The following FAM210B variants were observed in gnomAD, a reference collection of about 807,000 sequenced individuals.
The protein encoded by FAM210B is mitochondrial inner membrane scaffold 2.
Under a neutral mutation model 14.9 loss-of-function variants are expected in FAM210B, and 11 were observed. The observed-to-expected ratio is 0.74, with a 90% CI of 0.46 to 1.22. The LOEUF is 1.22. Ranked by LOEUF, FAM210B falls within the 50% of genes most tolerant of loss-of-function variation. The probability of loss-of-function intolerance (pLI) is 0.00; values close to 1 mark genes in which losing one functional copy is unlikely to be tolerated. For missense variants in FAM210B, 229 were observed against 250.1 expected (o/e 0.92, Z 0.57); for synonymous variants, 113 against 110.2 (o/e 1.03, Z -0.16).
chr20:56,362,402 C>T lies in FAM210B; in HGVS notation c.187-2685C>T, dbSNP rs1983552454. Among the ~76,000 whole-genome samples, 2 of 152,144 alleles carry T rather than the reference C, an allele frequency of 1.3e-5. No individual in the cohort carries two copies. The highest frequency in any genetic ancestry group is 6.5e-5 in the Admixed American group (1 of 15,274). ...AGTACAGACAGAAGATGTGTCACGC[C>T]GTCCTGTGCATTCAGGACAGTGCCT... On this transcript the variant is annotated intron_variant, in intron 1 of 2. Transcript: ENST00000371384. This position sits in a 1 kb window ranked among gnomAD's most constrained non-coding sequence, Gnocchi z 4.8.
chr20:56,361,202 C>T (rs568398899), intron 1 of FAM210B, among the ~76,000 whole-genome samples: 67 of 152,152 alleles, frequency 4.4e-4, no homozygotes, highest in Non-Finnish European at 6.9e-4. Context: ...CTTTTGTCTC[C>T]GTCAGTTCTG....
chr20:56,360,227 A>G (rs138363771), intron 1 of FAM210B: 8,535 of 470,434 alleles, frequency 0.018, 133 homozygotes, highest in Non-Finnish European at 0.021. Flanking sequence ...CCAGAGTGGC[A>G]CCTTCTGCAC....
chr20:56,361,296 T>C (rs529035702), intron 1 of FAM210B, among the ~76,000 whole-genome samples: 3 of 152,224 alleles, frequency 2.0e-5, no homozygotes, highest in South Asian at 2.1e-4. Flanking sequence ...GCCCCATTGG[T>C]GTTTCTCTAT....
rs768525964 is a variant in FAM210B, at chr20:56,366,057, T to A, written c.363-14T>A. The A allele has an allele frequency of 1.2e-6, 2 of 1,601,392 alleles. No homozygotes were observed. Among genetic ancestry groups the A allele is most frequent in the South Asian group, 2.2e-5 (2 of 90,002 alleles). On this transcript the variant is annotated splice_polypyrimidine_tract_variant and intron_variant, in intron 2 of 2. Coordinates refer to ENST00000371384, the MANE Select transcript of FAM210B (RefSeq NM_080821.3). Reference sequence around the variant, plus strand: ...TTGCTGTAATAATTGTTTTCTTTGCTTCTTCCCCCCTAGTGGTGTGGACAT... The same window carrying A: ...TTGCTGTAATAATTGTTTTCTTTGCATCTTCCCCCCTAGTGGTGTGGACAT...
rs1485273646 is a variant in FAM210B at position 56,366,680 on chromosome 20, T to A, written c.*393T>A. ...TTGATTAATTTAACTGGCTTTTAAA[T>A]ATCCCCTTCCGCTGATATTTGTTGT... On this transcript the variant is annotated 3_prime_UTR_variant, in exon 3 of 3. Coordinates refer to ENST00000371384, the MANE Select transcript of FAM210B (RefSeq NM_080821.3). 1 of 181,224 alleles carries A rather than the reference T, an allele frequency of 5.5e-6. No homozygotes were observed. Among genetic ancestry groups the A allele is most frequent in the Non-Finnish European group, 1.2e-5 (1 of 86,134 alleles). The allele number at this position is 181,224 out of a possible 1,614,324, so 11.2% of individuals were successfully genotyped here.
At chr20:56,365,035 T>G in intron 1 of FAM210B, 52 bp from the exon 2 acceptor site, 3 of 1,555,292 alleles carry the variant, frequency 1.9e-6, no homozygotes, top group Non-Finnish European at 2.6e-6. Flanking sequence ...AAGCCGGTAA[T>G]GACTGCCCGT....
chr20:56,365,176 T>G lies in FAM210B; in HGVS notation c.276T>G (p.Ile92Met). 6.2e-7 allele frequency: 1 copy of G among 1,614,068 alleles called. No individual in the cohort carries two copies. The highest frequency in any genetic ancestry group is 2.2e-5 in the East Asian group (1 of 44,890). The change falls in exon 2 of 3, where the codon ATT becomes ATG. Residue 92 changes from isoleucine to methionine, a missense_variant. This residue lies in a region of FAM210B where 144 missense variants were observed against 132.5 expected (regional missense o/e 1.09). Coordinates refer to ENST00000371384, the MANE Select transcript of FAM210B (RefSeq NM_080821.3). ...KQSKSQQLKK[I>M]FQEYGTVGVS... ...GCAAGTCACAGCAACTGAAAAAGATTTTTCAAGAGTATGGCACTGTTGGCG... is the reference window on the plus strand; with the variant it reads ...GCAAGTCACAGCAACTGAAAAAGATGTTTCAAGAGTATGGCACTGTTGGCG...
chr20:56,360,178 C>A (rs574854811), intron 1 of FAM210B: 1 of 470,574 alleles, frequency 2.1e-6, no homozygotes, highest in South Asian at 1.5e-5. Flanking sequence ...CTTGCCTTCT[C>A]CAGTCCGACA....
chr20:56,365,532 A>G (rs959556591), intron 2 of FAM210B, among the ~76,000 whole-genome samples: 2 of 149,940 alleles, frequency 1.3e-5, no homozygotes, highest in Non-Finnish European at 3.0e-5. Flanking sequence ...TGGGGGACGG[A>G]CTCTCGCTCT....
Position 56,359,316 on chromosome 20 carries a change from G to A in FAM210B, c.186+125G>A. ...TGCACTTGTAGCTGCCCGGGACCGA[G>A]CTCTTCCAGGGTCCCCGAAACCCCA... On this transcript the variant is annotated intron_variant, in intron 1 of 2. Coordinates refer to ENST00000371384, the MANE Select transcript of FAM210B (RefSeq NM_080821.3). This position sits in a 1 kb window ranked among gnomAD's most constrained non-coding sequence, Gnocchi z 4.3. The A allele has an allele frequency of 1.0e-6, 1 of 991,250 alleles. No homozygotes were observed. Among genetic ancestry groups the A allele is most frequent in the Non-Finnish European group, 1.3e-6 (1 of 778,472 alleles). 61.4% of individuals were successfully genotyped at this position (991,250 alleles called of 1,614,324 possible).
At chr20:56,365,303 C>T in intron 2 of FAM210B, 41 bp downstream of exon 2, 1 of 1,582,978 alleles carries the variant, frequency 6.3e-7, no homozygotes, top group Admixed American at 1.8e-5. Flanking sequence ...TTTTTACTGT[C>T]ATGTAAGATT....
At position 56,359,158 on chromosome 20, in the gene FAM210B, C is replaced by G; in HGVS notation, c.153C>G (p.Leu51=). The G allele has an allele frequency of 1.6e-6, 2 of 1,242,768 alleles. No individual in the cohort carries two copies. Among genetic ancestry groups the G allele is most frequent in the East Asian group, 3.2e-5 (1 of 31,434 alleles). 77.0% of individuals were successfully genotyped at this position (1,242,768 alleles called of 1,614,324 possible). The change falls in exon 1 of 3, where the codon CTC becomes CTG. Residue 51 remains leucine, a synonymous_variant. Transcript: ENST00000371384. This position sits in a 1 kb window ranked among gnomAD's most constrained non-coding sequence, Gnocchi z 4.3. The part of the protein sequence containing the change: ...LLPPRLDARL[L]RTARGDCRGH... Reference sequence around the variant, plus strand: ...CGCCCAGGCTAGACGCCCGGCTGCTCCGCACGGCGCGCGGGGACTGCCGCG... The same window carrying G: ...CGCCCAGGCTAGACGCCCGGCTGCTGCGCACGGCGCGCGGGGACTGCCGCG...
chr20:56,365,789 C>T (rs923598954), intron 2 of FAM210B, among the ~76,000 whole-genome samples: 3 of 152,054 alleles, frequency 2.0e-5, no homozygotes, highest in African/African-American at 7.2e-5. Flanking sequence ...AGGTGTGAGC[C>T]CCCGCGTCAG....
chr20:56,359,053 C>T lies in FAM210B; in HGVS notation c.48C>T (p.Ala16=), dbSNP rs2146106176. Residue 16 remains alanine (A), a synonymous_variant, in exon 1 of 3, where the codon GCC becomes GCT. Transcript: ENST00000371384. The surrounding 1 kb of genome is among the most constrained non-coding windows in gnomAD (Gnocchi z 4.3). ...TGGGTCCGGCAGGCAGGGTGGGCGC[C>T]CGGGTCCGGCCTCGCGCCACCTGGC... ...ALLGPAGRVG[A]RVRPRATWLL... is the part of the protein sequence containing the mutation. 1 of 1,351,902 alleles carries T rather than the reference C, an allele frequency of 7.4e-7. No homozygotes were observed. Among genetic ancestry groups the T allele is most frequent in the Non-Finnish European group, 9.6e-7 (1 of 1,046,548 alleles). The allele number at this position is 1,351,902 out of a possible 1,614,324, so 83.7% of individuals were successfully genotyped here.
intron 2 of FAM210B, 110 bp downstream of exon 2, chr20:56,365,372 C>G: frequency 8.6e-7 from 1 of 1,165,752 alleles, no homozygotes; most frequent in East Asian, 2.4e-5. Context: ...TCTCACTCCA[C>G]TGCCCAGGCT....
chr20:56,365,050 G>A (rs767332926), intron 1 of FAM210B, 37 bp from the exon 2 acceptor site: 5 of 1,590,522 alleles, frequency 3.1e-6, no homozygotes, highest in South Asian at 2.3e-5. Context: ...GCCCGTGCCT[G>A]CCCTAAAGCA....
intron 2 of FAM210B, among the ~76,000 whole-genome samples, chr20:56,365,630 C>T (rs1237587107): frequency 2.0e-5 from 3 of 152,166 alleles, no homozygotes; most frequent in Non-Finnish European, 2.9e-5. Context: ...CTCAGCCTCC[C>T]GAGTAGCTGG....
chr20:56,359,798 A>C lies in FAM210B; in HGVS notation c.186+607A>C, dbSNP rs1983494647. On this transcript the variant is annotated intron_variant, in intron 1 of 2. Transcript: ENST00000371384. This position sits in a 1 kb window ranked among gnomAD's most constrained non-coding sequence, Gnocchi z 4.3. ...TCTTTTTAAATAAAAATAGTAGTAA[A>C]TGAAGTCTGGCGGTCCAGGAATGGC... 1.3e-5 allele frequency among the ~76,000 whole-genome samples: 2 copies of C among 152,212 alleles called. No individual in the cohort carries two copies. The highest frequency in any genetic ancestry group is 2.4e-5 in the African/African-American group (1 of 41,460).
At position 56,363,437 on chromosome 20, in the gene FAM210B, G is replaced by T. The variant is rs1373775455; in HGVS notation, c.187-1650G>T. ...GGGACCTGTCATCGGGACACTGAGG[G>T]TTTTCCTCAAATGTTCTAAAAAATC... On this transcript the variant is annotated intron_variant, in intron 1 of 2. Transcript: ENST00000371384. This position sits in a 1 kb window ranked among gnomAD's most constrained non-coding sequence, Gnocchi z 4.1. Among the ~76,000 whole-genome samples the T allele has an allele frequency of 6.6e-6, 1 of 152,132 alleles. No individual in the cohort carries two copies. Among genetic ancestry groups the T allele is most frequent in the Non-Finnish European group, 1.5e-5 (1 of 68,020 alleles).
Sources: allele counts gnomAD v4.1 joint callset (sites outside exome capture counted in the v4.1 genomes callset), GRCh38; gene constraint gnomAD v4.1.1; regional missense constraint gnomAD v4.1.1; non-coding constraint Gnocchi (gnomAD v3.1); transcripts MANE v1.5; gene names NCBI Gene and HGNC (gene_info 2026-07-23, HGNC 2026-07-21).